The following AP4E1 variants were observed in gnomAD, a reference collection of about 807,000 sequenced individuals.
AP4E1 encodes AP-4 complex subunit epsilon-1.
AP4E1 carries 56 observed loss-of-function variants against 128.2 expected under a neutral mutation model. The ratio of observed to expected loss-of-function variants is 0.44; its 90% CI spans 0.35 to 0.55. AP4E1 has a LOEUF of 0.55. Among genes scored for constraint, AP4E1 ranks in the 20% least tolerant of loss-of-function variants. The pLI, the probability that AP4E1 is intolerant of heterozygous loss-of-function variation, is 0.00. For missense variants in AP4E1, 1,324 were observed against 1,307.7 expected, an observed-to-expected ratio of 1.01 and a Z score of -0.19; for synonymous variants, 484 against 473.1, an observed-to-expected ratio of 1.02 and a Z score of -0.30.
intron 15 of AP4E1, among the ~76,000 whole-genome samples, chr15:50,974,475 C>T (rs1419609099): frequency 6.6e-6 from 1 of 151,962 alleles, no homozygotes; most frequent in Non-Finnish European, 1.5e-5. Flanking sequence ...TAATGTTGCC[C>T]AGACTGGTCT....
At chr15:50,948,829 G>A (rs938342792) in intron 11 of AP4E1, among the ~76,000 whole-genome samples, 16 of 151,934 alleles carry the variant, frequency 1.1e-4, no homozygotes, top group African/African-American at 3.6e-4. Context: ...AAAATTAGCC[G>A]GGCATGGTGG....
At chr15:50,951,748 A>G (rs2064153648) in intron 13 of AP4E1, among the ~76,000 whole-genome samples, 2 of 126,062 alleles carry the variant, frequency 1.6e-5, no homozygotes, top group African/African-American at 6.5e-5. Context: ...TTTTTTTGAG[A>G]CAGAGTCTTT....
chr15:50,987,553 G>A (rs567386829), intron 16 of AP4E1, among the ~76,000 whole-genome samples: 6 of 152,078 alleles, frequency 3.9e-5, no homozygotes, highest in South Asian at 2.1e-4. Context: ...CCTTCATTTC[G>A]TTATGTACCC....
chr15:50,910,333 C>T (rs907497655), intron 1 of AP4E1, among the ~76,000 whole-genome samples: 1 of 152,158 alleles, frequency 6.6e-6, no homozygotes, highest in African/African-American at 2.4e-5. Flanking sequence ...CGATTCACAG[C>T]TACAAGGAGT....
chr15:50,916,885 A>G (rs766731204), intron 3 of AP4E1, among the ~76,000 whole-genome samples: 27 of 152,140 alleles, frequency 1.8e-4, no homozygotes, highest in Non-Finnish European at 3.7e-4. Context: ...TAATTTTAAG[A>G]TCCCTAAAGG....
chr15:51,002,257 C>T (rs2064972941), intron 20 of AP4E1, among the ~76,000 whole-genome samples: 1 of 152,128 alleles, frequency 6.6e-6, no homozygotes, highest in South Asian at 2.1e-4. Context: ...CAGCAATGTA[C>T]CAGGGTTCCA....
At position 51,002,044 on chromosome 15, in the gene AP4E1, A is replaced by G. The variant is rs533946382; in HGVS notation, c.3254-458A>G. On this transcript the variant is annotated intron_variant, in intron 20 of 20. Coordinates refer to ENST00000261842, the MANE Select transcript of AP4E1 (RefSeq NM_007347.5). ...CAGGTGTGTGGCACCATGCTCAGCT[A>G]ATTTTTTGTATTTTTTAGTAGAGAT... Among the ~76,000 whole-genome samples the G allele has an allele frequency of 3.9e-5, 6 of 151,968 alleles. No homozygotes were observed. The South Asian group carries it at 1.2e-3, about 32-fold the overall frequency.
intron 19 of AP4E1, among the ~76,000 whole-genome samples, chr15:50,999,502 A>G (rs2064929184): frequency 6.6e-6 from 1 of 152,196 alleles, no homozygotes; most frequent in South Asian, 2.1e-4. Context: ...AGGGATTATA[A>G]TGAGAGACCT....
chr15:50,910,596 G>A (rs2063554711), intron 1 of AP4E1, among the ~76,000 whole-genome samples: 1 of 152,226 alleles, frequency 6.6e-6, no homozygotes, highest in African/African-American at 2.4e-5. Flanking sequence ...GCTCTAATAA[G>A]TTGATGCTAT....
chr15:50,913,873 G>C (rs2063595753), intron 2 of AP4E1, among the ~76,000 whole-genome samples: 2 of 152,186 alleles, frequency 1.3e-5, no homozygotes, highest in South Asian at 4.1e-4. Flanking sequence ...GAGTGCAACT[G>C]CGTGATCTTG....
At chr15:50,979,474 C>G (rs1169629170) in intron 15 of AP4E1, among the ~76,000 whole-genome samples, 1 of 152,180 alleles carries the variant, frequency 6.6e-6, no homozygotes, top group African/African-American at 2.4e-5. Flanking sequence ...AATGCTGATG[C>G]CATGCTCTTA....
intron 17 of AP4E1, among the ~76,000 whole-genome samples, chr15:50,994,095 A>G (rs1349301094): frequency 6.6e-6 from 1 of 152,248 alleles, no homozygotes; most frequent in Non-Finnish European, 1.5e-5. Context: ...ATGAAAAAAT[A>G]CTTAAATGAT....
chr15:50,911,709 C>G (rs1346330472), intron 1 of AP4E1, among the ~76,000 whole-genome samples: 2 of 152,036 alleles, frequency 1.3e-5, no homozygotes, highest in Non-Finnish European at 2.9e-5. Flanking sequence ...AACTGCTGAC[C>G]TCAAGTGATT....
intron 1 of AP4E1, among the ~76,000 whole-genome samples, chr15:50,910,607 C>T (rs1163065534): frequency 1.3e-5 from 2 of 152,184 alleles, no homozygotes; most frequent in Non-Finnish European, 2.9e-5. Context: ...TTGATGCTAT[C>T]CGGAGAGAAC....
Position 50,928,989 on chromosome 15 carries a change from A to G in AP4E1, c.543-20A>G, listed in dbSNP as rs1191012165. 2 of 1,612,974 alleles carry G rather than the reference A, an allele frequency of 1.2e-6. No individual in the cohort carries two copies. The highest frequency in any genetic ancestry group is 2.2e-5 in the South Asian group (2 of 90,990). ...TGAGAATTCAGATTGTCTTGTTTAA[A>G]TTTCATTTTTTGTCTTCAGGGAGAT... On this transcript the variant is annotated intron_variant, in intron 5 of 20. Coordinates refer to ENST00000261842, the MANE Select transcript of AP4E1 (RefSeq NM_007347.5).
chr15:50,935,526 G>A (rs1242357474), intron 8 of AP4E1, among the ~76,000 whole-genome samples: 1 of 152,102 alleles, frequency 6.6e-6, no homozygotes, highest in Non-Finnish European at 1.5e-5. Context: ...AGCTCAGTGA[G>A]GAAATTGAGA....
At chr15:50,909,146 C>T (rs1201366050) in intron 1 of AP4E1, among the ~76,000 whole-genome samples, 3 of 152,274 alleles carry the variant, frequency 2.0e-5, no homozygotes, top group Non-Finnish European at 4.4e-5. Context: ...AGTTCTGACA[C>T]TGACTCTTTG....
intron 13 of AP4E1, among the ~76,000 whole-genome samples, chr15:50,955,644 C>T (rs151192582): frequency 0.013 from 1,915 of 152,262 alleles, 35 homozygotes; most frequent in Non-Finnish European, 0.014. Context: ...CATCAGGCTT[C>T]CACTGACACA....
chr15:50,994,220 TA>T (rs2064842186), intron 17 of AP4E1, among the ~76,000 whole-genome samples: 1 of 152,236 alleles, frequency 6.6e-6, no homozygotes, highest in Non-Finnish European at 1.5e-5. Context: ...TTATGATTTT[TA>T]AACTTTTTAT....
Sources: gnomAD v4.1 joint callset for allele counts (sites outside exome capture counted in the v4.1 genomes callset) on GRCh38, gnomAD v4.1.1 for gene constraint, MANE v1.5 for transcripts, NCBI Gene and HGNC (gene_info 2026-07-23, HGNC 2026-07-21) for gene names.